The following CNTN5 variants were observed in gnomAD, a reference collection of about 807,000 sequenced individuals.
The protein encoded by CNTN5 is contactin 5.
In CNTN5, 77 loss-of-function variants were observed where a neutral mutation model predicts 129.1. That is an observed-to-expected ratio of 0.60 (90% CI 0.50 to 0.72). The LOEUF is 0.72. CNTN5 is among the 30% of genes least tolerant of loss of function. The pLI is 0.00. For missense variants in CNTN5, 1,478 were observed against 1,328.8 expected, an observed-to-expected ratio of 1.11 and a Z score of -1.75; for synonymous variants, 509 against 465.6, an observed-to-expected ratio of 1.09 and a Z score of -1.20.
intron 3 of CNTN5, among the ~76,000 whole-genome samples, chr11:99,725,797 C>T (rs950464804): frequency 1.3e-5 from 2 of 152,074 alleles, no homozygotes; most frequent in Admixed American, 1.3e-4. Context: ...TTTGAATGGT[C>T]CAGTGGTAAA....
At chr11:99,465,996 C>T (rs1314412908) in intron 2 of CNTN5, among the ~76,000 whole-genome samples, 1 of 151,922 alleles carries the variant, frequency 6.6e-6, no homozygotes, top group Non-Finnish European at 1.5e-5. Flanking sequence ...ATTCTCCTGC[C>T]TCAGCCTCCC....
At chr11:100,008,471 A>G (rs749321716) in intron 9 of CNTN5, among the ~76,000 whole-genome samples, 1 of 152,120 alleles carries the variant, frequency 6.6e-6, no homozygotes, top group Non-Finnish European at 1.5e-5. Context: ...AAAGTACCTC[A>G]AAGAACCTAG....
At chr11:100,224,991 A>C (rs1949341942) in intron 16 of CNTN5, 179 bp downstream of exon 16, 2 of 472,200 alleles carry the variant, frequency 4.2e-6, no homozygotes, top group Admixed American at 3.5e-5. Context: ...ACTCCTCCTT[A>C]GTAACAGATG....
intron 21 of CNTN5, 27 bp downstream of exon 21, chr11:100,308,495 C>T (rs200008972): frequency 9.5e-5 from 151 of 1,592,972 alleles, no homozygotes; most frequent in Non-Finnish European, 1.2e-4. Context: ...TGAAAATAAG[C>T]CTTATTGTTT....
At chr11:100,183,032 A>G (rs1948185859) in intron 13 of CNTN5, among the ~76,000 whole-genome samples, 1 of 152,148 alleles carries the variant, frequency 6.6e-6, no homozygotes, top group African/African-American at 2.4e-5. Context: ...GCTCAAGATC[A>G]TTAGGGAAAT....
rs558134247 is a variant in CNTN5 at position 100,336,929 on chromosome 11, A to T, written c.2731-3534A>T. On this transcript the variant is annotated intron_variant, in intron 21 of 24. Transcript: ENST00000524871. ...CCGGTGAATACATGCAGTCCCCGGT[A>T]GGCTTTGGATCGCGGGCACCTTCTT... 32 of 647,488 alleles carry T rather than the reference A, an allele frequency of 4.9e-5. No homozygotes were observed. The East Asian group carries it at 8.3e-4, about 17-fold the overall frequency. The allele number at this position is 647,488 out of a possible 1,614,324, so 40.1% of individuals were successfully genotyped here.
At chr11:99,094,724 G>C (rs1021980175) in intron 1 of CNTN5, among the ~76,000 whole-genome samples, 6 of 151,866 alleles carry the variant, frequency 4.0e-5, no homozygotes, top group Admixed American at 2.6e-4. Context: ...AGAAAGTCCG[G>C]GGTAGGTGGT....
At chr11:99,785,480 G>T (rs527541620) in intron 3 of CNTN5, among the ~76,000 whole-genome samples, 6 of 151,868 alleles carry the variant, frequency 4.0e-5, no homozygotes, top group Non-Finnish European at 8.8e-5. Flanking sequence ...TTGCCCATGC[G>T]TATGTCCTGA....
chr11:100,178,042 A>T (rs1289081542), intron 13 of CNTN5, among the ~76,000 whole-genome samples: 2 of 152,106 alleles, frequency 1.3e-5, no homozygotes, highest in Non-Finnish European at 2.9e-5. Flanking sequence ...GAGTACCATT[A>T]TTTATGAAGG....
chr11:100,333,039 A>C (rs1951939773), intron 21 of CNTN5, among the ~76,000 whole-genome samples: 1 of 151,960 alleles, frequency 6.6e-6, no homozygotes, highest in Non-Finnish European at 1.5e-5. Flanking sequence ...GTATACATGA[A>C]GACAAAAAAG....
At chr11:99,452,372 G>GTTTTTT (rs71463577) in intron 2 of CNTN5, among the ~76,000 whole-genome samples, 9,908 of 102,830 alleles carry the variant, frequency 0.096, 282 homozygotes, top group East Asian at 0.19. Context: ...AAACACAGGT[G>GTTTTTT]TTTTTTTTTT....
chr11:100,198,836 G>A (rs983672808), intron 15 of CNTN5, among the ~76,000 whole-genome samples: 3 of 151,834 alleles, frequency 2.0e-5, no homozygotes, highest in African/African-American at 7.2e-5. Context: ...GGAATATTAG[G>A]TGAATAGAAA....
rs191866531 is a variant in CNTN5, at chr11:99,965,551, G to A, written c.877+8542G>A. Among the ~76,000 whole-genome samples, 1,079 of 152,060 alleles carry A rather than the reference G, an allele frequency of 7.1e-3. 6 individuals carry two copies. The highest frequency in any genetic ancestry group is 0.014 in the Middle Eastern group (4 of 294). On this transcript the variant is annotated intron_variant, in intron 8 of 24. Coordinates refer to ENST00000524871, the MANE Select transcript of CNTN5 (RefSeq NM_014361.4). ...AGTTTGTTATAATTTCTGTTCTTTT[G>A]CATTTGCTGAGGAGTGCTTTACTTC...
chr11:99,028,840 T>C (rs1173103600), intron 1 of CNTN5, among the ~76,000 whole-genome samples: 1 of 151,874 alleles, frequency 6.6e-6, no homozygotes, highest in African/African-American at 2.4e-5. Context: ...CAGGAGTGGA[T>C]TAACTATGAA....
rs75760911 is a variant in CNTN5 at position 100,300,695 on chromosome 11, T to C, written c.2620+1299T>C. Reference sequence around the variant, plus strand: ...ATATTTTTATAATATAGAGCCAAATTTTAAAGCAGAATCAGAAAGTTTATC... The same window carrying C: ...ATATTTTTATAATATAGAGCCAAATCTTAAAGCAGAATCAGAAAGTTTATC... On this transcript the variant is annotated intron_variant, in intron 20 of 24. Transcript: ENST00000524871. Among the ~76,000 whole-genome samples, 1,503 of 151,622 alleles carry C rather than the reference T, an allele frequency of 9.9e-3. 25 individuals are homozygous for C. The highest frequency in any genetic ancestry group is 0.034 in the African/African-American group (1,421 of 41,470).
intron 3 of CNTN5, among the ~76,000 whole-genome samples, chr11:99,635,958 A>G (rs1314481869): frequency 6.6e-6 from 1 of 152,208 alleles, no homozygotes; most frequent in African/African-American, 2.4e-5. Flanking sequence ...GCAATGGAAA[A>G]TGAATTTGAA....
intron 2 of CNTN5, among the ~76,000 whole-genome samples, chr11:99,377,080 G>T (rs527831053): frequency 1.9e-4 from 29 of 152,076 alleles, no homozygotes; most frequent in African/African-American, 6.8e-4. Flanking sequence ...ATTAAATTCT[G>T]TCAGGAAGCG....
At chr11:99,111,119 G>T (rs1360842094) in intron 1 of CNTN5, among the ~76,000 whole-genome samples, 1 of 152,044 alleles carries the variant, frequency 6.6e-6, no homozygotes, top group Non-Finnish European at 1.5e-5. Flanking sequence ...TTCAACATGA[G>T]AATTTAAGAT....
intron 3 of CNTN5, among the ~76,000 whole-genome samples, chr11:99,730,187 T>G (rs1354035194): frequency 6.6e-6 from 1 of 152,210 alleles, no homozygotes; most frequent in Non-Finnish European, 1.5e-5. Flanking sequence ...GAATTAAATA[T>G]GACCTAGCTG....
Sources: gnomAD v4.1 joint callset for allele counts (sites outside exome capture counted in the v4.1 genomes callset) on GRCh38, gnomAD v4.1.1 for gene constraint, MANE v1.5 for transcripts, NCBI Gene and HGNC (gene_info 2026-07-23, HGNC 2026-07-21) for gene names.